PCDHA2: variants seen among roughly 807,000 people sequenced by gnomAD.
PCDHA2 encodes the protein protocadherin alpha-2.
PCDHA2 carries 58 observed loss-of-function variants against 66.0 expected under a neutral mutation model. The ratio of observed to expected loss-of-function variants is 0.88; its 90% CI spans 0.71 to 1.09. PCDHA2 has a LOEUF of 1.09. PCDHA2 is among the 50% of genes least tolerant of loss of function. The pLI is 0.00. For synonymous variants in PCDHA2, 634 were observed against 554.0 expected, an observed-to-expected ratio of 1.14 and a Z score of -2.03; for missense variants, 1,267 against 1,242.3, an observed-to-expected ratio of 1.02 and a Z score of -0.30.
intron 1 of PCDHA2, among the ~76,000 whole-genome samples, chr5:140,915,885 G>A (rs1487160672): frequency 6.6e-6 from 1 of 152,204 alleles, no homozygotes; most frequent in Admixed American, 6.5e-5. Context: ...AGGGTAGCAA[G>A]TTCCCCCTGG....
chr5:140,828,991 A>G (rs1770068473), intron 1 of PCDHA2: 1 of 1,613,938 alleles, frequency 6.2e-7, no homozygotes, highest in Non-Finnish European at 8.5e-7. Context: ...GAAATACGGG[A>G]GAAATAGTGA....
At chr5:140,802,744 A>G (rs782614211) in intron 1 of PCDHA2, 1 of 1,612,560 alleles carries the variant, frequency 6.2e-7, no homozygotes. Flanking sequence ...GAGAGCGGCA[A>G]GGTGTACGCG....
chr5:140,847,454 A>C (rs1187460467), intron 1 of PCDHA2: 1 of 149,898 alleles, frequency 6.7e-6, no homozygotes, highest in Non-Finnish European at 1.5e-5. Flanking sequence ...ATCTAGATTT[A>C]ATTAATCGAC....
chr5:140,822,604 G>A, intron 1 of PCDHA2: 1 of 1,608,228 alleles, frequency 6.2e-7, no homozygotes, highest in Non-Finnish European at 8.5e-7. Context: ...TAAGGAAATA[G>A]TGTATTTCTT....
At chr5:140,910,907 G>T (rs1554194477) in intron 1 of PCDHA2, among the ~76,000 whole-genome samples, 3 of 152,102 alleles carry the variant, frequency 2.0e-5, no homozygotes, top group Admixed American at 2.0e-4. Flanking sequence ...CTGTCCTCCA[G>T]ATTTTTGCTT....
At position 140,982,572 on chromosome 5, in the gene PCDHA2, C is replaced by G. The variant is rs782271002; in HGVS notation, c.2536+9C>G. 1 of 1,613,760 alleles carries G rather than the reference C, an allele frequency of 6.2e-7. No homozygotes were observed. Among genetic ancestry groups the G allele is most frequent in the Non-Finnish European group, 8.5e-7 (1 of 1,179,726 alleles). On this transcript the variant is annotated intron_variant, in intron 3 of 3. Transcript: ENST00000526136. ...ATCCAGTGCAACACCAGGTAAAGAGCTGGGGTCTCTCCATTCTTTCTTGGT... is the reference window on the plus strand; with the variant it reads ...ATCCAGTGCAACACCAGGTAAAGAGGTGGGGTCTCTCCATTCTTTCTTGGT...
In PCDHA2 at chr5:140,795,207, T is replaced by G. The variant is rs1554119297; in HGVS notation, c.243T>G (p.Asn81Lys). 6.8e-6 allele frequency: 11 copies of G among 1,614,036 alleles called. No individual in the cohort carries two copies. In the South Asian group the frequency reaches 1.2e-4, roughly 18 times the overall value. Residue 81 changes from asparagine to lysine, a missense_variant, in exon 1 of 4, where the codon AAT becomes AAG. Transcript: ENST00000526136. ...ACCTTCTGGAGGTAAATCTGCAGAATGGCATTTTGTTTGTGAATTCTCGGA... is the reference window on the plus strand; with the variant it reads ...ACCTTCTGGAGGTAAATCTGCAGAAGGGCATTTTGTTTGTGAATTCTCGGA... ...HGDLLEVNLQ[N>K]GILFVNSRID...
At chr5:140,857,864 C>T (rs782625866) in intron 1 of PCDHA2, 4 of 1,597,766 alleles carry the variant, frequency 2.5e-6, no homozygotes, top group Middle Eastern at 3.4e-4. Flanking sequence ...CAACGCGTGG[C>T]TGTCGTATGA....
At chr5:140,838,077 AGTGT>A (rs2150283763) in intron 1 of PCDHA2, among the ~76,000 whole-genome samples, 8,027 of 79,764 alleles carry the variant, frequency 0.1, 265 homozygotes, top group South Asian at 0.12. Flanking sequence ...ATATATATAT[AGTGT>A]GTGTGTGTGT....
At chr5:140,916,186 G>A (rs1321442931) in intron 1 of PCDHA2, among the ~76,000 whole-genome samples, 3 of 152,160 alleles carry the variant, frequency 2.0e-5, no homozygotes, top group Admixed American at 6.5e-5. Flanking sequence ...CTTCAAGGAA[G>A]TGGGCACCCC....
rs1164377412 is a variant in PCDHA2 at position 140,857,264 on chromosome 5, T to C, written c.2388+59912T>C. The stretch of plus-strand genomic sequence containing the variant: ...GTCCACCTACAAGAATTACTACTCA[T>C]TGGTGCTGGACAGCGCTCTGGACCG... On this transcript the variant is annotated intron_variant, in intron 1 of 3. Transcript: ENST00000526136. 5.0e-6 allele frequency: 8 copies of C among 1,598,636 alleles called. 1 individual carries two copies. The highest frequency in any genetic ancestry group is 2.2e-5 in the East Asian group (1 of 44,850).
rs2150529227 is a variant in PCDHA2 at position 140,853,161 on chromosome 5, G to A, written c.2388+55809G>A. 6.4e-6 allele frequency: 6 copies of A among 935,678 alleles called. 1 individual carries two copies. Among genetic ancestry groups the A allele is most frequent in the Non-Finnish European group, 6.5e-6 (5 of 772,756 alleles). 58.0% of individuals were successfully genotyped at this position (935,678 alleles called of 1,614,324 possible). ...CCCAAAATGCTGGGATTACAGGCGT[G>A]AGCCACCGCGCCTGGCCTAAAATGT... is the stretch of plus-strand genomic sequence containing the variant. On this transcript the variant is annotated intron_variant, in intron 1 of 3. Coordinates refer to ENST00000526136, the MANE Select transcript of PCDHA2 (RefSeq NM_018905.3).
intron 1 of PCDHA2, chr5:140,809,605 G>C (rs1414368210): frequency 5.2e-6 from 8 of 1,524,772 alleles, no homozygotes; most frequent in Non-Finnish European, 7.0e-6. Flanking sequence ...TTTAATTTTC[G>C]TATTGTTTTT....
intron 1 of PCDHA2, among the ~76,000 whole-genome samples, chr5:140,954,516 G>C (rs782233597): frequency 3.3e-5 from 5 of 152,172 alleles, no homozygotes; most frequent in Admixed American, 6.5e-5. Flanking sequence ...TTTACCTAAT[G>C]ATCAGTGATG....
chr5:140,923,963 A>G (rs1172303229), intron 1 of PCDHA2, among the ~76,000 whole-genome samples: 1 of 152,188 alleles, frequency 6.6e-6, no homozygotes, highest in African/African-American at 2.4e-5. Context: ...CCTAATCTAT[A>G]CCCACACATA....
chr5:140,915,684 G>T (rs576904848), intron 1 of PCDHA2, among the ~76,000 whole-genome samples: 5 of 151,572 alleles, frequency 3.3e-5, no homozygotes, highest in South Asian at 4.2e-4. Context: ...TGAACTAGGG[G>T]TATGGTGATG....
chr5:140,994,072 G>T (rs1587604928), intron 3 of PCDHA2, among the ~76,000 whole-genome samples: 1 of 152,242 alleles, frequency 6.6e-6, no homozygotes, highest in East Asian at 1.9e-4. Flanking sequence ...TAATGGTGAA[G>T]GGAGAAATGT....
intron 1 of PCDHA2, among the ~76,000 whole-genome samples, chr5:140,926,017 G>C (rs1222079500): frequency 2.0e-5 from 3 of 152,050 alleles, no homozygotes; most frequent in African/African-American, 7.2e-5. Context: ...GCCAGAGTCC[G>C]GAGGCAGTTT....
chr5:140,829,623 A>G, intron 1 of PCDHA2: 1 of 1,612,184 alleles, frequency 6.2e-7, no homozygotes, highest in Non-Finnish European at 8.5e-7. Flanking sequence ...ATTTCGGTGC[A>G]CGCGGAGAGC....
Sources: gnomAD v4.1 joint callset for allele counts (sites outside exome capture counted in the v4.1 genomes callset) on GRCh38, gnomAD v4.1.1 for gene constraint, MANE v1.5 for transcripts, NCBI Gene and HGNC (gene_info 2026-07-23, HGNC 2026-07-21) for gene names.